GTF2E2: variants seen among roughly 807,000 people sequenced by gnomAD.
GTF2E2 encodes general transcription factor IIE subunit 2, also known as transcription initiation factor IIE subunit beta.
GTF2E2 carries 21 observed loss-of-function variants against 40.5 expected under a neutral mutation model. That is an observed-to-expected ratio of 0.52 (90% CI 0.37 to 0.75). The LOEUF (loss-of-function observed/expected upper bound fraction) is 0.75, where lower values mean the gene tolerates loss of function less well. Ranked by LOEUF, GTF2E2 falls within the 30% of genes least tolerant of loss-of-function variation. GTF2E2 has a pLI of 0.00. For missense variants in GTF2E2, 298 were observed against 338.4 expected (o/e 0.88, Z 0.94); for synonymous variants, 117 against 121.6 (o/e 0.96, Z 0.25).
At position 30,653,417 on chromosome 8, in the gene GTF2E2, A is replaced by C. The variant is rs200380096; in HGVS notation, c.166+16T>G. The C allele has an allele frequency of 2.5e-6, 4 of 1,602,088 alleles. No individual in the cohort carries two copies. The highest frequency in any genetic ancestry group is 1.7e-5 in the Admixed American group (1 of 58,972). ...ATCTGAATAAAAACCAAACAGTCCT[A>C]AACAATTTTACTAACCAGAATTTTG... On this transcript the variant is annotated intron_variant, in intron 2 of 7. Transcript: ENST00000355904.
Position 30,620,387 on chromosome 8 carries a change from C to T in GTF2E2, c.259-5672G>A, listed in dbSNP as rs1801058395. 2.0e-5 allele frequency among the ~76,000 whole-genome samples: 3 copies of T among 151,986 alleles called. No homozygotes were observed. The South Asian group carries it at 6.2e-4, about 32-fold the overall frequency. ...AAACAAACTAAACCTAAAACGAGAC[C>T]TTCATCACTTTGTAAGAAAAGGTTA... On this transcript the variant is annotated intron_variant, in intron 3 of 7. Transcript: ENST00000355904.
In GTF2E2 at chr8:30,624,341, C is replaced by T. The variant is rs867988856; in HGVS notation, c.259-9626G>A. 4.0e-5 allele frequency among the ~76,000 whole-genome samples: 6 copies of T among 151,870 alleles called. No homozygotes were observed. In the East Asian group the frequency reaches 5.8e-4, roughly 15 times the overall value. On this transcript the variant is annotated intron_variant, in intron 3 of 7. Coordinates refer to ENST00000355904, the MANE Select transcript of GTF2E2 (RefSeq NM_002095.6). ...AGTTGTAGATGTGTGGTATTATTTC[C>T]GAGGGCTCTGTTCTGTTCCATTGGT...
Position 30,636,748 on chromosome 8 carries a change from C to T in GTF2E2, c.167-1625G>A, listed in dbSNP as rs1801613947. Among the ~76,000 whole-genome samples, 3 of 151,904 alleles carry T rather than the reference C, an allele frequency of 2.0e-5. No homozygotes were observed. In the South Asian group the frequency reaches 6.2e-4, roughly 32 times the overall value. The stretch of plus-strand genomic sequence containing the variant: ...GGGCATAATGGCACGTGCCTGTAGT[C>T]TCAGCTACTTGGGAGAATCACTTGA... On this transcript the variant is annotated intron_variant, in intron 2 of 7. Coordinates refer to ENST00000355904, the MANE Select transcript of GTF2E2 (RefSeq NM_002095.6).
chr8:30,611,226 T>G (rs941167579), intron 5 of GTF2E2, among the ~76,000 whole-genome samples: 1 of 151,998 alleles, frequency 6.6e-6, no homozygotes, highest in Non-Finnish European at 1.5e-5. Context: ...ATAGAAACAC[T>G]CTTGGGAGGA....
At chr8:30,617,014 G>C (rs1231322280) in intron 3 of GTF2E2, among the ~76,000 whole-genome samples, 4 of 151,974 alleles carry the variant, frequency 2.6e-5, no homozygotes, top group Admixed American at 2.6e-4. Context: ...AAAATGAGTA[G>C]GATGACAGGT....
At chr8:30,579,215 C>T (rs1449044967) in intron 7 of GTF2E2, among the ~76,000 whole-genome samples, 178 bp from the exon 8 acceptor site, 1 of 152,134 alleles carries the variant, frequency 6.6e-6, no homozygotes, top group African/African-American at 2.4e-5. Context: ...AGACCCCGGG[C>T]CTTTGTTCCC....
intron 3 of GTF2E2, among the ~76,000 whole-genome samples, chr8:30,623,556 G>C (rs1453569132): frequency 6.6e-6 from 1 of 152,026 alleles, no homozygotes; most frequent in Non-Finnish European, 1.5e-5. Flanking sequence ...GGGTCAAATG[G>C]TATTTCTAGT....
intron 6 of GTF2E2, among the ~76,000 whole-genome samples, chr8:30,594,972 A>G (rs749609394): frequency 1.1e-4 from 16 of 152,180 alleles, no homozygotes; most frequent in Non-Finnish European, 2.2e-4. Context: ...AATAAAGGCT[A>G]TAATCTTCAC....
At chr8:30,630,596 T>G (rs1801410535) in intron 3 of GTF2E2, among the ~76,000 whole-genome samples, 1 of 152,144 alleles carries the variant, frequency 6.6e-6, no homozygotes, top group South Asian at 2.1e-4. Flanking sequence ...AAATAAGCCC[T>G]TCTCTTTACC....
intron 2 of GTF2E2, among the ~76,000 whole-genome samples, chr8:30,649,569 G>A (rs1802201859): frequency 6.6e-6 from 1 of 152,194 alleles, no homozygotes; most frequent in Non-Finnish European, 1.5e-5. Context: ...AGGACACTGG[G>A]TGAGGTGGCT....
chr8:30,599,916 G>A (rs768054809), intron 6 of GTF2E2, among the ~76,000 whole-genome samples: 1 of 152,182 alleles, frequency 6.6e-6, no homozygotes, highest in Non-Finnish European at 1.5e-5. Flanking sequence ...CCAGGGGGCA[G>A]AGGTTGCAGT....
At chr8:30,657,648 G>T (rs1032137956) in intron 1 of GTF2E2, 1 of 152,218 alleles carries the variant, frequency 6.6e-6, no homozygotes, top group Non-Finnish European at 1.5e-5. Context: ...TGAGCTGGCT[G>T]GACCCCGCGG....
intron 3 of GTF2E2, among the ~76,000 whole-genome samples, chr8:30,620,571 A>G (rs1244519963): frequency 3.9e-5 from 6 of 152,112 alleles, no homozygotes; most frequent in Non-Finnish European, 8.8e-5. Flanking sequence ...AACATATACA[A>G]TGTATTGATA....
intron 6 of GTF2E2, among the ~76,000 whole-genome samples, chr8:30,601,947 GAT>G (rs1829191883): frequency 6.6e-6 from 1 of 151,974 alleles, no homozygotes. Flanking sequence ...ACAATAGAAA[GAT>G]ATACAACTGT....
intron 3 of GTF2E2, among the ~76,000 whole-genome samples, chr8:30,615,126 A>T (rs1800878024): frequency 6.6e-6 from 1 of 152,018 alleles, no homozygotes; most frequent in African/African-American, 2.4e-5. Context: ...TAAAAATATA[A>T]AAATCAGCCG....
intron 1 of GTF2E2, chr8:30,656,804 T>C (rs1802460871): frequency 1.9e-5 from 1 of 52,664 alleles, no homozygotes; most frequent in African/African-American, 6.9e-5. Context: ...CGAGACTCCG[T>C]CTCAGAAAAA....
At chr8:30,631,482 A>T (rs935140729) in intron 3 of GTF2E2, among the ~76,000 whole-genome samples, 1 of 152,242 alleles carries the variant, frequency 6.6e-6, no homozygotes, top group African/African-American at 2.4e-5. Context: ...ATTGTGCTAT[A>T]TAAAAGCTGT....
intron 3 of GTF2E2, among the ~76,000 whole-genome samples, chr8:30,623,260 T>C (rs974276859): frequency 1.3e-5 from 2 of 152,146 alleles, no homozygotes; most frequent in Non-Finnish European, 2.9e-5. Flanking sequence ...GTGTTCTCAC[T>C]GTTCAATTCC....
chr8:30,623,169 T>C (rs1801163162), intron 3 of GTF2E2, among the ~76,000 whole-genome samples: 1 of 152,110 alleles, frequency 6.6e-6, no homozygotes, highest in African/African-American at 2.4e-5. Flanking sequence ...TAAATGTCCA[T>C]GAAATCTTCA....
Sources: gnomAD v4.1 joint callset for allele counts (sites outside exome capture counted in the v4.1 genomes callset) on GRCh38, gnomAD v4.1.1 for gene constraint, MANE v1.5 for transcripts, NCBI Gene and HGNC (gene_info 2026-07-23, HGNC 2026-07-21) for gene names.